The following RERE variants were observed in gnomAD, a reference collection of about 807,000 sequenced individuals.
RERE encodes the protein arginine-glutamic acid dipeptide repeats protein.
A neutral mutation model predicts 146.1 loss-of-function variants in RERE; 40 were observed. The observed-to-expected ratio is 0.27, with a 90% CI of 0.21 to 0.36. The LOEUF (loss-of-function observed/expected upper bound fraction) is 0.36. Ranked by LOEUF, RERE falls within the 10% of genes least tolerant of loss-of-function variation. The pLI is 1.00. For missense variants in RERE, 1,933 were observed against 2,138.7 expected (o/e 0.90, Z 1.90); for synonymous variants, 1,003 against 866.0 (o/e 1.16, Z -2.78).
At chr1:8,751,224 C>T (rs2124516786) in intron 1 of RERE, 1 of 213,038 alleles carries the variant, frequency 4.7e-6, no homozygotes, top group Admixed American at 5.3e-5. Context: ...TCAAGCAGCC[C>T]CCATTTACAA....
At chr1:8,581,885 T>C (rs923226533) in intron 4 of RERE, among the ~76,000 whole-genome samples, 2 of 152,268 alleles carry the variant, frequency 1.3e-5, no homozygotes, top group South Asian at 4.1e-4. Flanking sequence ...AAAATATTGG[T>C]GTAATAGGTA....
At chr1:8,608,348 A>T (rs1352121404) in intron 4 of RERE, among the ~76,000 whole-genome samples, 5 of 152,146 alleles carry the variant, frequency 3.3e-5, no homozygotes, top group African/African-American at 7.2e-5. Context: ...ACAAAAATTT[A>T]AAAAATTTTT....
chr1:8,388,660 C>T (rs1223150812), intron 12 of RERE, among the ~76,000 whole-genome samples: 3 of 152,184 alleles, frequency 2.0e-5, no homozygotes, highest in African/African-American at 4.8e-5. Context: ...GACAGTTCAC[C>T]GTGTGGCTGT....
intron 4 of RERE, among the ~76,000 whole-genome samples, chr1:8,600,807 T>A (rs960423427): frequency 6.9e-6 from 1 of 144,028 alleles, no homozygotes; most frequent in Non-Finnish European, 1.5e-5. Context: ...CAGGCTGGAG[T>A]GCAGTGGTGC....
intron 6 of RERE, among the ~76,000 whole-genome samples, chr1:8,555,186 A>G (rs77315738): frequency 0.01 from 1,538 of 152,374 alleles, 26 homozygotes; most frequent in African/African-American, 0.036. Context: ...GTGGCCTGAG[A>G]GAAGAGTTTT....
chr1:8,528,455 T>C (rs1175162713), intron 7 of RERE, among the ~76,000 whole-genome samples: 1 of 152,166 alleles, frequency 6.6e-6, no homozygotes, highest in Admixed American at 6.5e-5. Flanking sequence ...CATACCATAG[T>C]TATGTAAGAT....
At chr1:8,490,137 C>T (rs888851535) in intron 10 of RERE, among the ~76,000 whole-genome samples, 7 of 148,626 alleles carry the variant, frequency 4.7e-5, no homozygotes, top group Non-Finnish European at 1.0e-4. Context: ...CCAAGGCGGG[C>T]GGATCACGAG....
intron 11 of RERE, among the ~76,000 whole-genome samples, chr1:8,458,108 A>G (rs774739381): frequency 6.6e-6 from 1 of 152,192 alleles, no homozygotes; most frequent in Non-Finnish European, 1.5e-5. Context: ...AAGCACACGC[A>G]TTAAAACTGA....
At chr1:8,639,300 A>C (rs992748791) in intron 2 of RERE, among the ~76,000 whole-genome samples, 1 of 152,168 alleles carries the variant, frequency 6.6e-6, no homozygotes, top group Non-Finnish European at 1.5e-5. Flanking sequence ...ATAGAAGTAA[A>C]ACATATGACA....
chr1:8,364,891 CAAGG>C lies in RERE; in HGVS notation c.1448-57_1448-54del. The stretch of plus-strand genomic sequence containing the variant: ...TGGGGGAGACACCATCATGCTCAGC[CAAGG>C]CTGGGCCGGTGGGGTGGGGGGGAGG... On this transcript the variant is annotated intron_variant, in intron 13 of 22. Transcript: ENST00000400908. The surrounding 1 kb of genome is among the most constrained non-coding windows in gnomAD (Gnocchi z 5.1). 1 of 607,886 alleles carries C rather than the reference CAAGG, an allele frequency of 1.6e-6. No homozygotes were observed. 37.7% of individuals were successfully genotyped at this position (607,886 alleles called of 1,614,324 possible).
At chr1:8,428,753 T>G (rs1644051839) in intron 11 of RERE, among the ~76,000 whole-genome samples, 1 of 152,234 alleles carries the variant, frequency 6.6e-6, no homozygotes, top group African/African-American at 2.4e-5. Flanking sequence ...CATGGCTGTT[T>G]AGACCTAGCC....
chr1:8,695,427 A>G (rs1639305636), intron 1 of RERE, among the ~76,000 whole-genome samples: 1 of 151,974 alleles, frequency 6.6e-6, no homozygotes, highest in African/African-American at 2.4e-5. Context: ...ACCTAATTAA[A>G]CTAAAGAGCT....
intron 3 of RERE, among the ~76,000 whole-genome samples, chr1:8,619,865 G>A (rs1646897782): frequency 6.6e-6 from 1 of 152,138 alleles, no homozygotes; most frequent in Middle Eastern, 3.2e-3. Flanking sequence ...GTTCTCCAAA[G>A]AAGACTGACA....
rs1462167300 is a variant in RERE at position 8,403,825 on chromosome 1, C to T, written c.1284+18902G>A. On this transcript the variant is annotated intron_variant, in intron 12 of 22. Transcript: ENST00000400908. ...TCTATTTTTCTTAATAAAATCTTAG[C>T]TTTTTTTTTTTTTTTTTTTTTTTGA... Among the ~76,000 whole-genome samples the T allele has an allele frequency of 7.2e-4, 51 of 70,826 alleles. 1 individual carries two copies. Among genetic ancestry groups the T allele is most frequent in the Admixed American group, 9.0e-4 (4 of 4,464 alleles). 46.5% of individuals were successfully genotyped at this position (70,826 alleles called of 152,430 possible).
chr1:8,721,472 C>T (rs181565843), intron 1 of RERE, among the ~76,000 whole-genome samples: 1 of 152,124 alleles, frequency 6.6e-6, no homozygotes, highest in East Asian at 1.9e-4. Context: ...CTACCACACC[C>T]AGCTAATTTT....
intron 1 of RERE, among the ~76,000 whole-genome samples, chr1:8,788,293 T>G (rs1222240570): frequency 6.6e-6 from 1 of 151,752 alleles, no homozygotes; most frequent in Non-Finnish European, 1.5e-5. Context: ...CATAACGTTA[T>G]AATAATATAG....
At chr1:8,493,652 T>C (rs1004170374) in intron 10 of RERE, among the ~76,000 whole-genome samples, 2 of 152,076 alleles carry the variant, frequency 1.3e-5, no homozygotes, top group African/African-American at 4.8e-5. Context: ...TTCTCCTATT[T>C]AGAAACTGGG....
intron 1 of RERE, among the ~76,000 whole-genome samples, 157 bp from the exon 2 acceptor site, chr1:8,656,598 T>G (rs1217256492): frequency 6.6e-6 from 1 of 152,164 alleles, no homozygotes; most frequent in Admixed American, 6.5e-5. Context: ...AAAACTACAG[T>G]TTTTGGTCTC....
chr1:8,612,900 G>GTT (rs1231206207), intron 4 of RERE, among the ~76,000 whole-genome samples: 2 of 152,258 alleles, frequency 1.3e-5, no homozygotes, highest in East Asian at 3.9e-4. Flanking sequence ...ACTACACTGG[G>GTT]TTCTGTCTTC....
Sources: gnomAD v4.1 joint callset for allele counts (sites outside exome capture counted in the v4.1 genomes callset) on GRCh38, gnomAD v4.1.1 for gene constraint, Gnocchi (gnomAD v3.1) non-coding constraint, MANE v1.5 for transcripts, NCBI Gene and HGNC (gene_info 2026-07-23, HGNC 2026-07-21) for gene names.